The following PWWP3A variants were observed in gnomAD, a reference collection of about 807,000 sequenced individuals.
The protein encoded by PWWP3A is PWWP domain containing 3A, DNA repair factor, also known as PWWP domain-containing DNA repair factor 3A.
PWWP3A carries 53 observed loss-of-function variants against 79.0 expected under a neutral mutation model. The observed-to-expected ratio is 0.67, with a 90% confidence interval of 0.54 to 0.84. PWWP3A has a LOEUF of 0.84. Among genes scored for constraint, PWWP3A ranks in the 40% least tolerant of loss-of-function variants. PWWP3A has a pLI of 0.00. For synonymous variants in PWWP3A, 443 were observed against 394.4 expected (o/e 1.12, Z -1.46); for missense variants, 973 against 948.0 (o/e 1.03, Z -0.35).
At chr19:1,373,428 A>G in intron 13 of PWWP3A, 1 of 495,150 alleles carries the variant, frequency 2.0e-6, no homozygotes, top group South Asian at 2.6e-5. Flanking sequence ...TCTGTTCTTA[A>G]TCTCTTTTTG....
In PWWP3A at chr19:1,376,707, G is replaced by A. The variant is rs1333656469; in HGVS notation, c.*131G>A. On this transcript the variant is annotated 3_prime_UTR_variant, in exon 14 of 14. Coordinates refer to ENST00000591337, the MANE Select transcript of PWWP3A (RefSeq NM_001369789.1). ...ACCTGTCTGTGCGTTCTCCTGCGTG[G>A]CAGTCCTGATTTCCATGCTTCTGGA... 1.4e-6 allele frequency: 1 copy of A among 726,784 alleles called. No homozygotes were observed. The highest frequency in any genetic ancestry group is 2.3e-6 in the Non-Finnish European group (1 of 434,730). The allele number at this position is 726,784 out of a possible 1,614,324, so 45.0% of individuals were successfully genotyped here. A position where few individuals can be genotyped will look rare whatever the true frequency, so the allele number is the denominator to read the frequency against.
chr19:1,363,192 G>A (rs1371399289), intron 6 of PWWP3A, among the ~76,000 whole-genome samples: 1 of 152,236 alleles, frequency 6.6e-6, no homozygotes, highest in African/African-American at 2.4e-5. Flanking sequence ...CTTGCGTGCC[G>A]GTGGCCTTGT....
chr19:1,372,869 C>T (rs112893550), intron 12 of PWWP3A: 57 of 559,434 alleles, frequency 1.0e-4, no homozygotes, highest in Non-Finnish European at 1.4e-4. Context: ...GTGTCTAGTC[C>T]GAAAGATAGT....
rs116384498 is a variant in PWWP3A at position 1,366,729 on chromosome 19, G to A, written c.1361+348G>A. On this transcript the variant is annotated intron_variant, in intron 8 of 13. Transcript: ENST00000591337. ...GCAGGTGTGCAGACAGCATCCCTGC[G>A]TCCACCTGAGTTTGCCCCTGGGTTA... 9.4e-3 allele frequency among the ~76,000 whole-genome samples: 1,431 copies of A among 152,316 alleles called. 33 individuals carry two copies. Among genetic ancestry groups the A allele is most frequent in the African/African-American group, 0.033 (1,357 of 41,564 alleles).
chr19:1,371,175 T>C (rs2082250576), intron 12 of PWWP3A, 97 bp downstream of exon 12: 9 of 1,413,562 alleles, frequency 6.4e-6, no homozygotes, highest in Non-Finnish European at 8.7e-6. Context: ...TCGCCCCTGC[T>C]CCCTGGCCGT....
At position 1,360,254 on chromosome 19, in the gene PWWP3A, G is replaced by C; in HGVS notation, c.333G>C (p.Gly111=). 1 of 1,614,082 alleles carries C rather than the reference G, an allele frequency of 6.2e-7. No homozygotes were observed. Among genetic ancestry groups the C allele is most frequent in the Non-Finnish European group, 8.5e-7 (1 of 1,179,990 alleles). ...TTTGGAGTCAAGAAAGCTCTGCAGG[G>C]ACAGGTAGAGCTGACCGGTCTCTGC... ...GSIWSQESSA[G]TGRADRSLRG... The change falls in exon 5 of 14, where the codon GGG becomes GGC. Residue 111 remains glycine, a synonymous_variant. Coordinates refer to ENST00000591337, the MANE Select transcript of PWWP3A (RefSeq NM_001369789.1). The surrounding 1 kb of genome is among the most constrained non-coding windows in gnomAD (Gnocchi z 4.4).
At position 1,370,887 on chromosome 19, in the gene PWWP3A, T is replaced by A. The variant is rs1178012468; in HGVS notation, c.1795T>A (p.Ser599Thr). 7.1e-6 allele frequency: 11 copies of A among 1,555,944 alleles called. No homozygotes were observed. Among genetic ancestry groups the A allele is most frequent in the Non-Finnish European group, 9.6e-6 (11 of 1,149,432 alleles). ...LRAILKSRKP[S>T]RWLQTFLSSS... ...GGCCATCCTAAAGAGCAGGAAGCCA[T>A]CTCGCTGGCTGCAGACCTTCCTGAG... Residue 599 changes from serine (S) to threonine (T), a missense_variant, in exon 12 of 14, where the codon TCT becomes ACT. Physicochemically the swap from Ser to Thr is moderately conservative, Grantham distance 58. Coordinates refer to ENST00000591337, the MANE Select transcript of PWWP3A (RefSeq NM_001369789.1).
rs1235686438 is a variant in PWWP3A, at chr19:1,369,300, C to T, written c.1458C>T (p.Gly486=). 1 of 1,614,096 alleles carries T rather than the reference C, an allele frequency of 6.2e-7. No individual in the cohort carries two copies. Among genetic ancestry groups the T allele is most frequent in the East Asian group, 2.2e-5 (1 of 44,884 alleles). ...GGGAGGACTTCAACCAGGACATCGG[C>T]TGGTGTGTCTCCCTCATCACCGACT... The part of the protein sequence containing the change: ...QAREDFNQDI[G]WCVSLITDYR... Residue 486 remains glycine, a synonymous_variant, in exon 10 of 14, where the codon GGC becomes GGT. Transcript: ENST00000591337. The surrounding 1 kb of genome is among the most constrained non-coding windows in gnomAD (Gnocchi z 4.0).
At position 1,373,056 on chromosome 19, in the gene PWWP3A, C is replaced by T. The variant is rs915229599; in HGVS notation, c.1987-16C>T. 1.9e-6 allele frequency: 3 copies of T among 1,613,160 alleles called. No homozygotes were observed. Among genetic ancestry groups the T allele is most frequent in the South Asian group, 1.1e-5 (1 of 90,942 alleles). Reference sequence around the variant, plus strand: ...GGGCAGTGCCTGCTGCTATTGAGCCCCGTGCCCTCTCACAGGCCATCATCT... The same window carrying T: ...GGGCAGTGCCTGCTGCTATTGAGCCTCGTGCCCTCTCACAGGCCATCATCT... On this transcript the variant is annotated splice_polypyrimidine_tract_variant and intron_variant, in intron 12 of 13. Coordinates refer to ENST00000591337, the MANE Select transcript of PWWP3A (RefSeq NM_001369789.1).
chr19:1,375,391 C>T (rs1204070028), intron 13 of PWWP3A, among the ~76,000 whole-genome samples: 1 of 135,322 alleles, frequency 7.4e-6, no homozygotes, highest in Non-Finnish European at 1.5e-5. Flanking sequence ...AACAACTGCC[C>T]TCTCATATAT....
chr19:1,376,619 G>T lies in PWWP3A; in HGVS notation c.*43G>T, dbSNP rs757607368. ...CTGTCAGCGGGGCCTGGCGGTGGAAGCGCCTCCAGTGTGCATGAGCGTGTC... is the reference window on the plus strand; with the variant it reads ...CTGTCAGCGGGGCCTGGCGGTGGAATCGCCTCCAGTGTGCATGAGCGTGTC... On this transcript the variant is annotated 3_prime_UTR_variant, in exon 14 of 14. Transcript: ENST00000591337. The T allele has an allele frequency of 1.2e-6, 2 of 1,604,884 alleles. No individual in the cohort carries two copies. Among genetic ancestry groups the T allele is most frequent in the Admixed American group, 3.3e-5 (2 of 59,876 alleles).
chr19:1,371,754 T>C (rs1292079791), intron 12 of PWWP3A, among the ~76,000 whole-genome samples: 1 of 151,436 alleles, frequency 6.6e-6, no homozygotes, highest in African/African-American at 2.4e-5. Context: ...TGAACTCTAA[T>C]GTGCCCATAA....
intron 12 of PWWP3A, 81 bp downstream of exon 12, chr19:1,371,159 C>T (rs563383470): frequency 3.4e-5 from 50 of 1,471,852 alleles, no homozygotes; most frequent in Admixed American, 5.9e-5. Flanking sequence ...GAGGCTGCCA[C>T]GGTCCTCGCC....
intron 1 of PWWP3A, among the ~76,000 whole-genome samples, 161 bp downstream of exon 1, chr19:1,355,296 C>T (rs563950218): frequency 3.9e-5 from 6 of 151,912 alleles, no homozygotes; most frequent in East Asian, 1.9e-4. Flanking sequence ...TTTTCCGCCC[C>T]TGGCGCCGTG....
At position 1,370,949 on chromosome 19, in the gene PWWP3A, G is replaced by A; in HGVS notation, c.1857G>A (p.Leu619=). The change falls in exon 12 of 14, where the codon CTG becomes CTA. Residue 619 remains leucine (L), a synonymous_variant. Coordinates refer to ENST00000591337, the MANE Select transcript of PWWP3A (RefSeq NM_001369789.1). ...SQYVTCVETY[L]EDEGQLDLVV... is the part of the protein sequence containing the mutation. The stretch of plus-strand genomic sequence containing the variant: ...ACGTGACCTGTGTGGAGACCTACCT[G>A]GAGGATGAGGGGCAGCTGGACCTGG... 3 of 1,557,644 alleles carry A rather than the reference G, an allele frequency of 1.9e-6. No individual in the cohort carries two copies. Among genetic ancestry groups the A allele is most frequent in the Non-Finnish European group, 2.6e-6 (3 of 1,150,204 alleles).
At chr19:1,355,768 C>G (rs979054561) in intron 1 of PWWP3A, among the ~76,000 whole-genome samples, 2 of 151,798 alleles carry the variant, frequency 1.3e-5, no homozygotes, top group Admixed American at 1.3e-4. Context: ...GGGACGCCCC[C>G]CTCCGTTGTT....
At position 1,369,382 on chromosome 19, in the gene PWWP3A, G is replaced by A. The variant is rs778518501; in HGVS notation, c.1498+42G>A. On this transcript the variant is annotated intron_variant, in intron 10 of 13. Coordinates refer to ENST00000591337, the MANE Select transcript of PWWP3A (RefSeq NM_001369789.1). The surrounding 1 kb of genome is among the most constrained non-coding windows in gnomAD (Gnocchi z 4.0). ...GGAGGGGTGGAGCTGGGCAGCAGGC[G>A]TCCAGCCTCTGAAGACCCCTTGGAC... 22 of 1,596,982 alleles carry A rather than the reference G, an allele frequency of 1.4e-5. No homozygotes were observed. Among genetic ancestry groups the A allele is most frequent in the East Asian group, 2.2e-5 (1 of 44,690 alleles).
intron 4 of PWWP3A, chr19:1,359,002 C>A: frequency 3.3e-6 from 1 of 304,834 alleles, no homozygotes. Context: ...GGAAGTGGAG[C>A]TCTCGGCTTC....
Position 1,369,871 on chromosome 19 carries a change from C to T in PWWP3A, c.1549+225C>T, listed in dbSNP as rs1600120539. 6.6e-6 allele frequency among the ~76,000 whole-genome samples: 1 copy of T among 152,254 alleles called. No homozygotes were observed. On this transcript the variant is annotated intron_variant, in intron 11 of 13. Transcript: ENST00000591337. This position sits in a 1 kb window ranked among gnomAD's most constrained non-coding sequence, Gnocchi z 4.0. Reference sequence around the variant, plus strand: ...CAGCATCCCGAGCCTGCCCTGGGGCCCTCATCCCATGGGCCACATCCAGCG... The same window carrying T: ...CAGCATCCCGAGCCTGCCCTGGGGCTCTCATCCCATGGGCCACATCCAGCG...
Sources: gnomAD v4.1 joint callset for allele counts (sites outside exome capture counted in the v4.1 genomes callset) on GRCh38, gnomAD v4.1.1 for gene constraint, Gnocchi (gnomAD v3.1) non-coding constraint, MANE v1.5 for transcripts, NCBI Gene and HGNC (gene_info 2026-07-23, HGNC 2026-07-21) for gene names.